The following CD99 variants were observed in gnomAD, a reference collection of about 807,000 sequenced individuals.
The protein encoded by CD99 is CD99 molecule (Xg blood group).
Under a neutral mutation model 28.4 loss-of-function variants are expected in CD99, and 19 were observed. The ratio of observed to expected loss-of-function variants is 0.67; its 90% CI spans 0.47 to 0.98. The LOEUF is 0.98. CD99 is among the 50% of genes least tolerant of loss of function. The pLI, the probability that CD99 is intolerant of heterozygous loss-of-function variation, is 0.00. For synonymous variants in CD99, 103 were observed against 92.1 expected (o/e 1.12, Z -0.67); for missense variants, 283 against 248.8 (o/e 1.14, Z -0.92).
intron 1 of CD99, among the ~76,000 whole-genome samples, chrX:2,713,390 CACAA>C (rs1381646467): frequency 3.9e-5 from 5 of 126,850 alleles, no homozygotes; most frequent in African/African-American, 1.9e-4. Context: ...TATGCACATA[CACAA>C]ACCCACACAT....
chrX:2,692,836 GCTTGGGGT>G (rs976935018), intron 1 of CD99, among the ~76,000 whole-genome samples: 11 of 152,154 alleles, frequency 7.2e-5, no homozygotes, highest in Non-Finnish European at 1.6e-4. Flanking sequence ...CCTACTGTGG[GCTTGGGGT>G]CAGGGAAATA....
intron 1 of CD99, among the ~76,000 whole-genome samples, chrX:2,711,754 G>A (rs758236660): frequency 1.2e-4 from 18 of 148,316 alleles, no homozygotes; most frequent in Middle Eastern, 3.4e-3. Flanking sequence ...AAAAGAAGGA[G>A]GTTGGCTGGG....
intron 1 of CD99, among the ~76,000 whole-genome samples, chrX:2,708,701 C>T (rs752444720): frequency 5.3e-5 from 8 of 152,226 alleles, no homozygotes; most frequent in East Asian, 1.9e-4. Context: ...GGGAGAAGGG[C>T]GTGAGGGGCA....
At chrX:2,723,275 C>T in intron 6 of CD99, 39 bp from the exon 7 acceptor site, 1 of 1,612,418 alleles carries the variant, frequency 6.2e-7, no homozygotes, top group Non-Finnish European at 8.5e-7. Flanking sequence ...TTCCTTGACC[C>T]CAAACCTTCC....
intron 8 of CD99, among the ~76,000 whole-genome samples, chrX:2,734,018 G>A (rs1276977404): frequency 1.3e-5 from 2 of 152,150 alleles, no homozygotes; most frequent in African/African-American, 4.8e-5. Flanking sequence ...GTTGGGAATT[G>A]GTGGGTGGTC....
chrX:2,692,572 A>G (rs2047376732), intron 1 of CD99, among the ~76,000 whole-genome samples: 1 of 152,184 alleles, frequency 6.6e-6, no homozygotes, highest in South Asian at 2.1e-4. Context: ...ATTAGAGATA[A>G]TGAAGCCTGC....
Position 2,740,838 on chromosome X carries a change from A to G in CD99, c.*34A>G, listed in dbSNP as rs2050159912. ...CGGCAGAAACAGCCCAGGCGTTGGC[A>G]GCAGGGTTAGAACAGCTGCCTGAGG... On this transcript the variant is annotated 3_prime_UTR_variant, in exon 10 of 10. Transcript: ENST00000381192. 1.9e-6 allele frequency: 3 copies of G among 1,613,440 alleles called. No individual in the cohort carries two copies. The highest frequency in any genetic ancestry group is 2.5e-6 in the Non-Finnish European group (3 of 1,179,460).
intron 1 of CD99, among the ~76,000 whole-genome samples, chrX:2,711,141 G>A (rs2048382820): frequency 6.7e-6 from 1 of 150,184 alleles, no homozygotes; most frequent in South Asian, 2.1e-4. Flanking sequence ...AAAGTGCTGA[G>A]ATTACAGGTG....
intron 2 of CD99, among the ~76,000 whole-genome samples, chrX:2,716,936 G>C (rs1053329279): frequency 1.2e-4 from 19 of 152,264 alleles, no homozygotes; most frequent in African/African-American, 4.3e-4. Flanking sequence ...CATCAATCCG[G>C]TGTCTCTCCT....
At chrX:2,718,688 A>G (rs1200482766) in intron 3 of CD99, among the ~76,000 whole-genome samples, 1 of 152,100 alleles carries the variant, frequency 6.6e-6, no homozygotes, top group African/African-American at 2.4e-5. Flanking sequence ...GTTCTTTCAA[A>G]CAAAAGTCAG....
At chrX:2,710,766 T>C (rs2048359118) in intron 1 of CD99, among the ~76,000 whole-genome samples, 1 of 151,954 alleles carries the variant, frequency 6.6e-6, no homozygotes, top group Non-Finnish European at 1.5e-5. Flanking sequence ...GGAAGCACTG[T>C]CATTTCCGGG....
intron 2 of CD99, 182 bp from the exon 3 acceptor site, chrX:2,717,423 C>CT (rs2048781056): frequency 1.7e-6 from 1 of 595,042 alleles, no homozygotes; most frequent in Non-Finnish European, 3.1e-6. Context: ...GCCTCTGTGT[C>CT]TGTCTTCTGG....
At chrX:2,715,914 T>G (rs1194249275) in intron 2 of CD99, among the ~76,000 whole-genome samples, 3 of 152,126 alleles carry the variant, frequency 2.0e-5, no homozygotes, top group Non-Finnish European at 4.4e-5. Context: ...TCTTAACTGA[T>G]TACAACTGCA....
rs752206351 is a variant in CD99, at chrX:2,720,411, C to T, written c.249C>T (p.His83=). 6.2e-7 allele frequency: 1 copy of T among 1,613,786 alleles called. No homozygotes were observed. The highest frequency in any genetic ancestry group is 8.5e-7 in the Non-Finnish European group (1 of 1,179,816). The change falls in exon 5 of 10, where the codon CAC becomes CAT. Residue 83 remains histidine (H), a synonymous_variant. Coordinates refer to ENST00000381192, the MANE Select transcript of CD99 (RefSeq NM_002414.5). ...PKPMPNPNPN[H]PSSSGSFSDA... ...CGATGCCAAATCCAAACCCCAACCA[C>T]CCTAGTTCCTCCGGTAAGAGTCTCT...
At position 2,722,674 on chromosome X, in the gene CD99, G is replaced by C. The variant is rs1032034203; in HGVS notation, c.310G>C (p.Gly104Arg). 5 of 1,613,912 alleles carry C rather than the reference G, an allele frequency of 3.1e-6. No homozygotes were observed. Among genetic ancestry groups the C allele is most frequent in the African/African-American group, 1.3e-5 (1 of 75,026 alleles). Residue 104 changes from glycine to arginine, a missense_variant and splice_region_variant, in exon 6 of 10, where the codon GGA (glycine) becomes CGA (arginine). Physicochemically the swap from Gly to Arg is moderately radical, Grantham distance 125. Transcript: ENST00000381192. ...DLADGVSGGE[G>R]KGGSDGGGSH... ...TGCGGATGGCGTTTCAGGTGGAGAA[G>C]GTACAGTTATCTTGTTTTCTGTCTC...
rs1364601553 is a variant in CD99, at chrX:2,710,974, G to A, written c.68-3448G>A. Among the ~76,000 whole-genome samples, 10 of 147,000 alleles carry A rather than the reference G, an allele frequency of 6.8e-5. No individual in the cohort carries two copies. The Middle Eastern group carries it at 0.032, about 476-fold the overall frequency. ...CAACCTCTACTTCCCGGATTCAAGC[G>A]ATTTTCCTGCCTCAGCCTCCTGAGT... On this transcript the variant is annotated intron_variant, in intron 1 of 9. Coordinates refer to ENST00000381192, the MANE Select transcript of CD99 (RefSeq NM_002414.5).
intron 8 of CD99, chrX:2,737,968 C>G (rs1333099209): frequency 1.4e-6 from 1 of 710,762 alleles, no homozygotes; most frequent in Non-Finnish European, 2.6e-6. Context: ...TTGGATTACC[C>G]TGTTGAAGTT....
At chrX:2,695,444 C>G (rs963482914) in intron 1 of CD99, among the ~76,000 whole-genome samples, 131 of 151,834 alleles carry the variant, frequency 8.6e-4, no homozygotes, top group Middle Eastern at 3.2e-3. Flanking sequence ...GAGGTGGGGT[C>G]TCTGTTGCCC....
intron 1 of CD99, among the ~76,000 whole-genome samples, chrX:2,705,272 G>A (rs2048062585): frequency 6.6e-6 from 1 of 152,210 alleles, no homozygotes; most frequent in South Asian, 2.1e-4. Context: ...TGTGTTTTCT[G>A]TACTCAGATA....
Sources: allele counts gnomAD v4.1 joint callset (sites outside exome capture counted in the v4.1 genomes callset), GRCh38; gene constraint gnomAD v4.1.1; transcripts MANE v1.5; gene names NCBI Gene and HGNC (gene_info 2026-07-23, HGNC 2026-07-21).